The following STX18 variants were observed in gnomAD, a reference collection of about 807,000 sequenced individuals.
The protein encoded by STX18 is syntaxin 18, also known as syntaxin-18.
STX18 carries 40 observed loss-of-function variants against 50.1 expected under a neutral mutation model. The observed-to-expected ratio is 0.80, with a 90% confidence interval of 0.62 to 1.04. The LOEUF (loss-of-function observed/expected upper bound fraction) is 1.04, where lower values mean the gene tolerates loss of function less well. STX18 is among the 50% of genes least tolerant of loss of function. The probability of loss-of-function intolerance (pLI) is 0.00; values close to 1 mark genes in which losing one functional copy is unlikely to be tolerated. For missense variants in STX18, 410 were observed against 415.8 expected, an observed-to-expected ratio of 0.99 and a Z score of 0.12; for synonymous variants, 158 against 151.8, an observed-to-expected ratio of 1.04 and a Z score of -0.30.
At chr4:4,535,636 C>A (rs1380114673) in intron 1 of STX18, among the ~76,000 whole-genome samples, 1 of 152,176 alleles carries the variant, frequency 6.6e-6, no homozygotes, top group Non-Finnish European at 1.5e-5. Flanking sequence ...ACCAAAGCTG[C>A]TCCTTATTTC....
At chr4:4,438,250 G>A in intron 6 of STX18, 144 bp downstream of exon 6, 1 of 625,402 alleles carries the variant, frequency 1.6e-6, no homozygotes, top group Non-Finnish European at 2.7e-6. Flanking sequence ...AGACACAAAG[G>A]CTGCCGCCTC....
At chr4:4,535,604 C>T (rs763362099) in intron 1 of STX18, among the ~76,000 whole-genome samples, 4 of 152,130 alleles carry the variant, frequency 2.6e-5, no homozygotes, top group Non-Finnish European at 5.9e-5. Flanking sequence ...CCTCTCTCCC[C>T]AAACCTCTCA....
chr4:4,538,116 C>A (rs1453255339), intron 1 of STX18, among the ~76,000 whole-genome samples: 11 of 140,472 alleles, frequency 7.8e-5, no homozygotes, highest in East Asian at 4.0e-4. Context: ...AAAAAAAAAA[C>A]CACAAACAAA....
intron 2 of STX18, among the ~76,000 whole-genome samples, chr4:4,469,157 G>C (rs1198193260): frequency 6.6e-6 from 1 of 152,198 alleles, no homozygotes; most frequent in African/African-American, 2.4e-5. Context: ...CGAGCCATAT[G>C]GTTGGCGCAG....
intron 1 of STX18, among the ~76,000 whole-genome samples, chr4:4,490,532 A>G (rs1247037108): frequency 6.6e-6 from 1 of 152,152 alleles, no homozygotes; most frequent in Non-Finnish European, 1.5e-5. Flanking sequence ...TTTTTTCTCC[A>G]AAAGGTTCTC....
At chr4:4,533,139 T>C (rs1317460897) in intron 1 of STX18, among the ~76,000 whole-genome samples, 2 of 152,254 alleles carry the variant, frequency 1.3e-5, no homozygotes, top group East Asian at 1.9e-4. Flanking sequence ...ATCTGAGTTA[T>C]TGGGTTCATT....
chr4:4,435,036 G>C (rs1725703446), intron 6 of STX18, among the ~76,000 whole-genome samples, 178 bp from the exon 7 acceptor site: 3 of 152,126 alleles, frequency 2.0e-5, no homozygotes, highest in Non-Finnish European at 4.4e-5. Flanking sequence ...ACAACATTTA[G>C]GCTTTAAATT....
At chr4:4,494,494 A>G (rs576361222) in intron 1 of STX18, among the ~76,000 whole-genome samples, 148 of 152,332 alleles carry the variant, frequency 9.7e-4, no homozygotes, top group African/African-American at 3.5e-3. Flanking sequence ...TACAGAGCAT[A>G]TTCCATATTT....
intron 1 of STX18, among the ~76,000 whole-genome samples, chr4:4,514,151 TTTAC>T (rs1159090972): frequency 1.3e-5 from 2 of 152,166 alleles, no homozygotes; most frequent in Non-Finnish European, 2.9e-5. Flanking sequence ...TTCAATACTG[TTTAC>T]TGACTATTTC....
chr4:4,521,147 C>T (rs964860425), intron 1 of STX18, among the ~76,000 whole-genome samples: 21 of 152,014 alleles, frequency 1.4e-4, no homozygotes, highest in African/African-American at 4.6e-4. Flanking sequence ...CTGGCAAAAT[C>T]CTCATAGGCA....
intron 5 of STX18, among the ~76,000 whole-genome samples, chr4:4,446,880 T>C (rs1055944292): frequency 6.6e-6 from 1 of 152,172 alleles, no homozygotes; most frequent in African/African-American, 2.4e-5. Context: ...GCCAAAAAAA[T>C]GGGAACACCT....
At chr4:4,447,547 C>T (rs964080712) in intron 5 of STX18, among the ~76,000 whole-genome samples, 8 of 126,930 alleles carry the variant, frequency 6.3e-5, no homozygotes, top group Non-Finnish European at 1.1e-4. Context: ...GCCGAGATCG[C>T]GCCACTGCAC....
At chr4:4,528,688 G>C (rs917791009) in intron 1 of STX18, among the ~76,000 whole-genome samples, 1 of 152,240 alleles carries the variant, frequency 6.6e-6, no homozygotes, top group African/African-American at 2.4e-5. Flanking sequence ...CCAGGTACTA[G>C]GAGAACTGCC....
In STX18 at chr4:4,438,110, G is replaced by A. The variant is rs1364282582; in HGVS notation, c.613+284C>T. On this transcript the variant is annotated intron_variant, in intron 6 of 10. Transcript: ENST00000306200. ...CTGCCTCTCCTGAGGCCGGCACACA[G>A]GGCTCCTGAGGCAGACAGCTCCCGG... 5.3e-5 allele frequency among the ~76,000 whole-genome samples: 8 copies of A among 152,300 alleles called. No homozygotes were observed. In the South Asian group the frequency reaches 1.4e-3, roughly 28 times the overall value.
intron 1 of STX18, chr4:4,507,170 T>C (rs1376428511): frequency 3.5e-6 from 2 of 572,594 alleles, no homozygotes; most frequent in Non-Finnish European, 6.7e-6. Context: ...CAAGACGGCA[T>C]GACACTCCCT....
At chr4:4,499,581 C>T in intron 1 of STX18, 1 of 963,214 alleles carries the variant, frequency 1.0e-6, no homozygotes, top group Non-Finnish European at 1.2e-6. Flanking sequence ...CATAGGTATT[C>T]ACTGACTGGC....
intron 1 of STX18, among the ~76,000 whole-genome samples, chr4:4,528,002 C>A (rs1051968756): frequency 2.6e-5 from 4 of 151,980 alleles, no homozygotes; most frequent in African/African-American, 9.7e-5. Flanking sequence ...GCTGCCTTGT[C>A]CATTGCTGGC....
intron 5 of STX18, among the ~76,000 whole-genome samples, chr4:4,447,592 C>CAAAAAAAAAAAAAAAAAAAAAAA (rs34300930): frequency 2.2e-5 from 1 of 45,878 alleles, no homozygotes; most frequent in Non-Finnish European, 4.0e-5. Context: ...CTCCGTCTCA[C>CAAAAAAAAAAAAAAAAAAAAAAA]AAAAAAAAAA....
At chr4:4,475,135 CA>C (rs1440728497) in intron 1 of STX18, among the ~76,000 whole-genome samples, 1 of 152,142 alleles carries the variant, frequency 6.6e-6, no homozygotes, top group African/African-American at 2.4e-5. Context: ...CAGGAGCAAG[CA>C]AGCTCCACAG....
Sources: allele counts gnomAD v4.1 joint callset (sites outside exome capture counted in the v4.1 genomes callset), GRCh38; gene constraint gnomAD v4.1.1; transcripts MANE v1.5; gene names NCBI Gene and HGNC (gene_info 2026-07-23, HGNC 2026-07-21).